The following MYT1L variants were observed in gnomAD, a reference collection of about 807,000 sequenced individuals.
MYT1L encodes the protein myelin transcription factor 1 like, also known as myelin transcription factor 1-like protein.
In MYT1L, 12 loss-of-function variants were observed where a neutral mutation model predicts 126.7. The ratio of observed to expected loss-of-function variants is 0.09; its 90% CI spans 0.06 to 0.15. The LOEUF (loss-of-function observed/expected upper bound fraction) is 0.15, where lower values mean the gene tolerates loss of function less well. MYT1L is among the 10% of genes least tolerant of loss of function. The pLI, the probability that MYT1L is intolerant of heterozygous loss-of-function variation, is 1.00. For missense variants in MYT1L, 979 were observed against 1,585.2 expected, an observed-to-expected ratio of 0.62 and a Z score of 6.49; for synonymous variants, 541 against 604.2, an observed-to-expected ratio of 0.90 and a Z score of 1.53.
At chr2:2,107,160 A>T (rs1316267894) in intron 3 of MYT1L, among the ~76,000 whole-genome samples, 1 of 152,212 alleles carries the variant, frequency 6.6e-6, no homozygotes, top group African/African-American at 2.4e-5. Flanking sequence ...AAGGAAGCAA[A>T]TGATAACGAA....
chr2:2,240,600 A>G (rs529537603), intron 2 of MYT1L, among the ~76,000 whole-genome samples: 1 of 152,226 alleles, frequency 6.6e-6, no homozygotes, highest in Admixed American at 6.5e-5. Context: ...AAGTCTCCCT[A>G]AAGCAAACGA....
At chr2:2,121,273 G>A (rs2080967663) in intron 3 of MYT1L, among the ~76,000 whole-genome samples, 1 of 152,170 alleles carries the variant, frequency 6.6e-6, no homozygotes, top group Non-Finnish European at 1.5e-5. Flanking sequence ...CCGGGTCCGG[G>A]TTCAAGCAAT....
At position 2,063,011 on chromosome 2, in the gene MYT1L, C is replaced by T. The variant is rs373084447; in HGVS notation, c.-303-8888G>A. Among the ~76,000 whole-genome samples, 40 of 152,276 alleles carry T rather than the reference C, an allele frequency of 2.6e-4. No homozygotes were observed. The East Asian group carries it at 6.4e-3, about 24-fold the overall frequency. ...TTACACGATTCAGCCAATGGTCCTG[C>T]GGGAGCTGGACAGACCCTCCAATCT... On this transcript the variant is annotated intron_variant, in intron 3 of 24. Transcript: ENST00000647738.
At chr2:1,879,351 AC>A (rs1314471889) in intron 18 of MYT1L, among the ~76,000 whole-genome samples, 3 of 152,020 alleles carry the variant, frequency 2.0e-5, no homozygotes, top group Non-Finnish European at 4.4e-5. Flanking sequence ...GGACAACATA[AC>A]CTCCTCATTC....
chr2:2,226,853 T>C (rs1218686756), intron 2 of MYT1L, among the ~76,000 whole-genome samples: 1 of 152,190 alleles, frequency 6.6e-6, no homozygotes, highest in African/African-American at 2.4e-5. Flanking sequence ...ATGGTCCTTC[T>C]TCAACCCTGG....
chr2:1,807,849 CA>C (rs1427444671), intron 22 of MYT1L, among the ~76,000 whole-genome samples: 1 of 152,162 alleles, frequency 6.6e-6, no homozygotes, highest in African/African-American at 2.4e-5. Flanking sequence ...GCTGTGTCCC[CA>C]CCCAAATCTC....
At chr2:2,110,890 G>A (rs1261297863) in intron 3 of MYT1L, among the ~76,000 whole-genome samples, 1 of 152,160 alleles carries the variant, frequency 6.6e-6, no homozygotes, top group East Asian at 1.9e-4. Context: ...CCACAACTGA[G>A]GTCTCAGGCC....
chr2:1,823,363 G>A (rs1368378688), intron 21 of MYT1L, among the ~76,000 whole-genome samples: 2 of 152,184 alleles, frequency 1.3e-5, no homozygotes, highest in African/African-American at 4.8e-5. Flanking sequence ...ATATAGCTGT[G>A]GCAGCTGTAG....
chr2:1,971,742 C>CAAAACAAAAGAA (rs1558586643), intron 8 of MYT1L, among the ~76,000 whole-genome samples: 6 of 152,074 alleles, frequency 3.9e-5, no homozygotes, highest in South Asian at 4.2e-4. Context: ...AAAAACTAAA[C>CAAAACAAAAGAA]AAAACAAAAG....
chr2:1,991,353 G>A (rs1343581437), intron 5 of MYT1L, among the ~76,000 whole-genome samples: 1 of 152,060 alleles, frequency 6.6e-6, no homozygotes, highest in Non-Finnish European at 1.5e-5. Context: ...TGGAGTTTCA[G>A]TGACACGATC....
intron 3 of MYT1L, among the ~76,000 whole-genome samples, chr2:2,134,691 C>G (rs983318544): frequency 2.0e-5 from 3 of 152,178 alleles, no homozygotes; most frequent in African/African-American, 7.2e-5. Flanking sequence ...AGACAGACAA[C>G]AGATTTGCCA....
chr2:1,984,858 C>A (rs182195161), intron 5 of MYT1L, among the ~76,000 whole-genome samples: 3 of 152,062 alleles, frequency 2.0e-5, no homozygotes, highest in Admixed American at 1.3e-4. Flanking sequence ...CAGTAAAATC[C>A]CTTGGAGTCC....
At chr2:1,814,377 G>A (rs1018559160) in intron 21 of MYT1L, among the ~76,000 whole-genome samples, 2 of 152,230 alleles carry the variant, frequency 1.3e-5, no homozygotes, top group Non-Finnish European at 2.9e-5. Flanking sequence ...GCGCCCTGGA[G>A]CGCAGCCTCC....
chr2:1,953,240 G>C (rs1191881537), intron 8 of MYT1L, among the ~76,000 whole-genome samples: 1 of 152,178 alleles, frequency 6.6e-6, no homozygotes, highest in Non-Finnish European at 1.5e-5. Flanking sequence ...TGGTATTACA[G>C]GCATGGGCCA....
Position 2,224,363 on chromosome 2 carries a change from A to G in MYT1L, c.-420-51375T>C, listed in dbSNP as rs1337231166. Among the ~76,000 whole-genome samples the G allele has an allele frequency of 1.3e-5, 2 of 152,162 alleles. No homozygotes were observed. Among genetic ancestry groups the G allele is most frequent in the Admixed American group, 6.5e-5 (1 of 15,272 alleles). ...GCAAAGGAAGAAGGTCCATGGGCTC[A>G]GTGTCCCTCAAAACTAACATCCCCA... On this transcript the variant is annotated intron_variant, in intron 2 of 24. Coordinates refer to ENST00000647738, the MANE Select transcript of MYT1L (RefSeq NM_001303052.2). The surrounding 1 kb of genome is among the most constrained non-coding windows in gnomAD (Gnocchi z 4.0).
intron 2 of MYT1L, among the ~76,000 whole-genome samples, chr2:2,190,589 C>G (rs1465718861): frequency 6.9e-6 from 1 of 144,748 alleles, no homozygotes; most frequent in Non-Finnish European, 1.5e-5. Flanking sequence ...AAGAAGAAAG[C>G]TCACAGAAGA....
intron 4 of MYT1L, among the ~76,000 whole-genome samples, chr2:2,008,344 G>A (rs995457836): frequency 6.6e-6 from 1 of 152,188 alleles, no homozygotes; most frequent in Non-Finnish European, 1.5e-5. Context: ...TTGGTTTACT[G>A]CAATGCCCTG....
At chr2:2,076,223 G>C (rs2150277058) in intron 3 of MYT1L, among the ~76,000 whole-genome samples, 1 of 152,264 alleles carries the variant, frequency 6.6e-6, no homozygotes. Flanking sequence ...ACACTCTTGG[G>C]AATCTACAAG....
At chr2:2,277,101 T>C (rs2149377152) in intron 2 of MYT1L, among the ~76,000 whole-genome samples, 1 of 152,106 alleles carries the variant, frequency 6.6e-6, no homozygotes, top group South Asian at 2.1e-4. Flanking sequence ...CCTGCCTCAG[T>C]CACTCAAGTA....
Sources: allele counts gnomAD v4.1 joint callset (sites outside exome capture counted in the v4.1 genomes callset), GRCh38; gene constraint gnomAD v4.1.1; non-coding constraint Gnocchi (gnomAD v3.1); transcripts MANE v1.5; gene names NCBI Gene and HGNC (gene_info 2026-07-23, HGNC 2026-07-21).